The following TENM1 variants were observed in gnomAD, a reference collection of about 807,000 sequenced individuals.
TENM1 encodes teneurin-1.
In TENM1, 35 loss-of-function variants were observed where a neutral mutation model predicts 174.8. The ratio of observed to expected loss-of-function variants is 0.20; its 90% CI spans 0.15 to 0.27. TENM1 has a LOEUF of 0.27. Ranked by LOEUF, TENM1 falls within the 10% of genes least tolerant of loss-of-function variation. The probability of loss-of-function intolerance (pLI) is 1.00; values close to 1 mark genes in which losing one functional copy is unlikely to be tolerated. For synonymous variants in TENM1, 781 were observed against 798.7 expected (o/e 0.98, Z 0.37); for missense variants, 1,633 against 2,130.1 (o/e 0.77, Z 4.59).
chrX:124,591,769 T>C (rs938784468), intron 11 of TENM1, among the ~76,000 whole-genome samples: 41 of 112,308 alleles, frequency 3.7e-4, no homozygotes, highest in African/African-American at 1.2e-3. Context: ...GATATAAACC[T>C]TTCTAGCAAG....
intron 11 of TENM1, among the ~76,000 whole-genome samples, chrX:124,603,895 T>C (rs1486167886): frequency 1.8e-5 from 2 of 111,491 alleles, no homozygotes; most frequent in Non-Finnish European, 3.8e-5. Context: ...TAAGTAGGGA[T>C]GTTGTTTTAA....
At chrX:124,652,247 G>A (rs931095225) in intron 7 of TENM1, 123 bp from the exon 11 acceptor site, 34 of 888,396 alleles carry the variant, frequency 3.8e-5, no homozygotes, top group Non-Finnish European at 5.0e-5. Flanking sequence ...TGGAAGAGGA[G>A]GTTATCAATT....
chrX:124,754,074 T>A (rs1191126266), intron 3 of TENM1, among the ~76,000 whole-genome samples: 3 of 111,621 alleles, frequency 2.7e-5, no homozygotes. Flanking sequence ...TACCAGTTCC[T>A]CCTTGTACCT....
chrX:125,118,891 G>A, the TENM1 span, among the ~76,000 whole-genome samples: 2 of 111,483 alleles, frequency 1.8e-5, no homozygotes, highest in South Asian at 7.5e-4. Flanking sequence ...CTAATCTATA[G>A]GGACAGAAAG....
chrX:124,944,764 T>G (rs2147763726), intron 1 of TENM1, among the ~76,000 whole-genome samples: 1 of 108,839 alleles, frequency 9.2e-6, no homozygotes, highest in South Asian at 4.1e-4. Context: ...AAAAATATAC[T>G]AATAAGTATA....
At chrX:125,040,071 T>C in the TENM1 span, among the ~76,000 whole-genome samples, 1 of 111,764 alleles carries the variant, frequency 8.9e-6, no homozygotes. Context: ...TATTTTTGAA[T>C]GTTATTAACA....
chrX:125,050,529 T>A, the TENM1 span, among the ~76,000 whole-genome samples: 4 of 112,019 alleles, frequency 3.6e-5, no homozygotes, highest in African/African-American at 9.7e-5. Context: ...CCATGGTGTA[T>A]ATGCGCCACA....
At chrX:125,060,813 T>A in the TENM1 span, among the ~76,000 whole-genome samples, 1 of 110,979 alleles carries the variant, frequency 9.0e-6, no homozygotes, top group East Asian at 2.8e-4. Flanking sequence ...CTCCATTTAT[T>A]TTTTGTTATG....
chrX:124,938,955 C>T (rs990291786), intron 1 of TENM1, among the ~76,000 whole-genome samples: 3 of 111,382 alleles, frequency 2.7e-5, no homozygotes, highest in Admixed American at 1.9e-4. Context: ...TTCTTCAGTG[C>T]CATCCCTGGG....
At chrX:125,083,447 A>G in the TENM1 span, among the ~76,000 whole-genome samples, 1 of 109,908 alleles carries the variant, frequency 9.1e-6, no homozygotes, top group East Asian at 2.9e-4. Context: ...CTGCTCCTCT[A>G]TTACCCATGA....
At chrX:124,956,442 T>C (rs951614144) in intron 1 of TENM1, among the ~76,000 whole-genome samples, 1 of 112,295 alleles carries the variant, frequency 8.9e-6, no homozygotes, top group Non-Finnish European at 1.9e-5. Context: ...AGGCTGAAGC[T>C]GGTCTCAACA....
At chrX:124,460,736 G>A (rs2061162173) in intron 22 of TENM1, among the ~76,000 whole-genome samples, 1 of 95,411 alleles carries the variant, frequency 1.0e-5, no homozygotes. Flanking sequence ...TAAAGTAGAA[G>A]TTGAAAAAAA....
chrX:125,119,398 T>C, the TENM1 span, among the ~76,000 whole-genome samples: 1 of 110,590 alleles, frequency 9.0e-6, no homozygotes, highest in Non-Finnish European at 1.9e-5. Flanking sequence ...TGGGGTTTTA[T>C]AAATGTGCAC....
intron 3 of TENM1, among the ~76,000 whole-genome samples, chrX:124,758,484 T>C (rs186704790): frequency 1.1e-3 from 121 of 111,353 alleles, no homozygotes; most frequent in Middle Eastern, 4.6e-3. Flanking sequence ...ATGAAGGTTT[T>C]TGAAAAAATT....
chrX:124,827,422 A>G (rs1278884672), intron 3 of TENM1, among the ~76,000 whole-genome samples: 1 of 112,099 alleles, frequency 8.9e-6, no homozygotes, highest in Non-Finnish European at 1.9e-5. Flanking sequence ...CAGGTACTCA[A>G]TAAGGAAGTG....
chrX:124,604,483 A>G (rs886373298), intron 11 of TENM1, among the ~76,000 whole-genome samples: 8 of 111,112 alleles, frequency 7.2e-5, no homozygotes, highest in African/African-American at 2.6e-4. Context: ...CCCAGAAATG[A>G]TCAGTTTGAA....
intron 5 of TENM1, among the ~76,000 whole-genome samples, chrX:124,699,226 A>AT (rs748094036): frequency 2.9e-4 from 31 of 107,913 alleles, no homozygotes; most frequent in South Asian, 3.9e-4. Context: ...TTCTTGAGAG[A>AT]TTTTTTTTTT....
At chrX:124,485,632 G>A (rs2046936632) in intron 21 of TENM1, among the ~76,000 whole-genome samples, 1 of 111,195 alleles carries the variant, frequency 9.0e-6, no homozygotes, top group African/African-American at 3.3e-5. Flanking sequence ...TTTGCTATTT[G>A]CACAAAAGCA....
At chrX:125,081,662 C>A in the TENM1 span, among the ~76,000 whole-genome samples, 1 of 111,104 alleles carries the variant, frequency 9.0e-6, no homozygotes, top group Non-Finnish European at 1.9e-5. Flanking sequence ...TGGGTATCTA[C>A]CCAATGAAAA....
Sources: gnomAD v4.1 joint callset for allele counts (sites outside exome capture counted in the v4.1 genomes callset) on GRCh38, gnomAD v4.1.1 for gene constraint, MANE v1.5 for transcripts, NCBI Gene and HGNC (gene_info 2026-07-23, HGNC 2026-07-21) for gene names.